Variants in SCAI observed in about 807,000 individuals in gnomAD.
The protein encoded by SCAI is protein SCAI.
In SCAI, 24 loss-of-function variants were observed where a neutral mutation model predicts 92.2. The observed-to-expected ratio is 0.26, with a 90% CI of 0.19 to 0.37. The LOEUF (loss-of-function observed/expected upper bound fraction) is 0.37. Ranked by LOEUF, SCAI falls within the 10% of genes least tolerant of loss-of-function variation. The probability of loss-of-function intolerance (pLI) is 1.00; values close to 1 mark genes in which losing one functional copy is unlikely to be tolerated. For missense variants in SCAI, 450 were observed against 736.2 expected (o/e 0.61, Z 4.50); for synonymous variants, 261 against 258.6 (o/e 1.01, Z -0.09).
chr9:124,956,727 T>TA (rs1831320484), intron 17 of SCAI, among the ~76,000 whole-genome samples: 1 of 152,204 alleles, frequency 6.6e-6, no homozygotes, highest in Non-Finnish European at 1.5e-5. Context: ...GGTTAAAGAC[T>TA]AACATCTTTC....
chr9:124,968,462 C>G (rs1399279605), intron 17 of SCAI: 1 of 981,652 alleles, frequency 1.0e-6, no homozygotes, highest in Non-Finnish European at 1.7e-6. Context: ...GAGAAGATAA[C>G]CAGATTTGCT....
At chr9:125,068,998 T>C (rs570686047) in intron 2 of SCAI, among the ~76,000 whole-genome samples, 1 of 152,108 alleles carries the variant, frequency 6.6e-6, no homozygotes, top group African/African-American at 2.4e-5. Context: ...GTTGGAAAAC[T>C]TGTGGTCAGG....
chr9:125,019,161 A>C lies in SCAI; in HGVS notation c.654T>G (p.Thr218=). 1 of 1,603,780 alleles carries C rather than the reference A, an allele frequency of 6.2e-7. No individual in the cohort carries two copies. Among genetic ancestry groups the C allele is most frequent in the Non-Finnish European group, 8.5e-7 (1 of 1,175,742 alleles). The change falls in exon 8 of 18, where the codon ACT becomes ACG. Residue 218 remains threonine (T), a synonymous_variant. Transcript: ENST00000336505. ...EIEDYTHRFN[T]EDQVEWNLVL... is the part of the protein sequence containing the mutation. ...CCAAGTTCCATTCCACTTGATCTTCAGTATTAAATCGGTGAGTATAATCTT... is the reference window on the plus strand; with the variant it reads ...CCAAGTTCCATTCCACTTGATCTTCCGTATTAAATCGGTGAGTATAATCTT...
chr9:125,113,376 G>A lies in SCAI; in HGVS notation c.98+29257C>T, dbSNP rs186072559. ...ACATTCTACAAAATATTTGACCAAT[G>A]CCCCTCAAAATTTTCAAAGTCATCA... On this transcript the variant is annotated intron_variant, in intron 2 of 17. Transcript: ENST00000336505. Among the ~76,000 whole-genome samples, 5 of 152,186 alleles carry A rather than the reference G, an allele frequency of 3.3e-5. No homozygotes were observed. In the East Asian group the frequency reaches 9.7e-4, roughly 29 times the overall value.
intron 9 of SCAI, among the ~76,000 whole-genome samples, chr9:125,009,855 T>C (rs1316636643): frequency 6.6e-6 from 1 of 151,946 alleles, no homozygotes; most frequent in Non-Finnish European, 1.5e-5. Context: ...ATCACACCAC[T>C]GTACTCCAGC....
At chr9:125,063,480 C>T (rs1474562773) in intron 2 of SCAI, among the ~76,000 whole-genome samples, 3 of 150,374 alleles carry the variant, frequency 2.0e-5, no homozygotes, top group Non-Finnish European at 4.4e-5. Context: ...TCAGTAGCTA[C>T]AATATATTTT....
intron 2 of SCAI, among the ~76,000 whole-genome samples, chr9:125,073,978 G>A (rs1055537148): frequency 4.0e-5 from 6 of 150,222 alleles, no homozygotes; most frequent in African/African-American, 7.4e-5. Flanking sequence ...GTTGCCAGGC[G>A]CGGTGGCTCA....
intron 6 of SCAI, 60 bp downstream of exon 6, chr9:125,026,752 T>C: frequency 1.1e-6 from 1 of 872,024 alleles, no homozygotes. Flanking sequence ...ACACAATTTC[T>C]ACGAAGATTA....
At chr9:125,042,837 G>A (rs892861190) in intron 3 of SCAI, among the ~76,000 whole-genome samples, 2 of 145,792 alleles carry the variant, frequency 1.4e-5, no homozygotes, top group Admixed American at 6.9e-5. Flanking sequence ...TTCTTTTCTG[G>A]GACCACATTC....
chr9:125,036,149 T>TA (rs1325345464), intron 3 of SCAI, among the ~76,000 whole-genome samples: 1 of 151,810 alleles, frequency 6.6e-6, no homozygotes, highest in African/African-American at 2.4e-5. Context: ...GCCCCTGTCT[T>TA]AAAAATAAAT....
intron 2 of SCAI, among the ~76,000 whole-genome samples, chr9:125,068,023 AAAT>A (rs1186312561): frequency 6.6e-6 from 1 of 152,228 alleles, no homozygotes; most frequent in Non-Finnish European, 1.5e-5. Context: ...TCTTGAGAGA[AAAT>A]AATGTTAAGT....
chr9:125,019,443 T>C (rs1399728395), intron 7 of SCAI, among the ~76,000 whole-genome samples: 2 of 152,094 alleles, frequency 1.3e-5, no homozygotes, highest in Non-Finnish European at 2.9e-5. Context: ...CTATCAGTAC[T>C]ACATGAGCAA....
chr9:124,968,683 C>G, intron 17 of SCAI: 1 of 1,348,958 alleles, frequency 7.4e-7, no homozygotes, highest in Non-Finnish European at 1.1e-6. Flanking sequence ...CCCAAAGTTC[C>G]CGATTTCCTC....
chr9:125,024,642 C>T (rs1427700001), intron 6 of SCAI, among the ~76,000 whole-genome samples: 1 of 152,122 alleles, frequency 6.6e-6, no homozygotes, highest in Non-Finnish European at 1.5e-5. Flanking sequence ...TGCTAGGCTC[C>T]CTACTTACAA....
intron 3 of SCAI, 110 bp downstream of exon 3, chr9:125,055,765 GA>G: frequency 1.3e-6 from 1 of 798,534 alleles, no homozygotes; most frequent in Non-Finnish European, 1.9e-6. Flanking sequence ...CTCTAATACA[GA>G]AATTTATATG....
chr9:125,000,517 G>A (rs1351264927), intron 12 of SCAI, among the ~76,000 whole-genome samples: 1 of 151,828 alleles, frequency 6.6e-6, no homozygotes, highest in African/African-American at 2.4e-5. Context: ...CGAGCATGGT[G>A]GTAGGTGCCT....
At chr9:125,048,227 C>T (rs577868011) in intron 3 of SCAI, among the ~76,000 whole-genome samples, 23 of 152,304 alleles carry the variant, frequency 1.5e-4, no homozygotes, top group African/African-American at 5.3e-4. Context: ...ATCCACACAC[C>T]TCAGCCTCCC....
chr9:124,979,863 C>T (rs963553521), intron 14 of SCAI, among the ~76,000 whole-genome samples: 5 of 152,052 alleles, frequency 3.3e-5, no homozygotes, highest in Non-Finnish European at 5.9e-5. Context: ...TCCTGGCTAA[C>T]ACGGTGAAAC....
chr9:125,052,097 T>C (rs1175837734), intron 3 of SCAI, among the ~76,000 whole-genome samples: 1 of 152,024 alleles, frequency 6.6e-6, no homozygotes, highest in Non-Finnish European at 1.5e-5. Context: ...CAGACCTAAA[T>C]GTAAGAGCTA....
Sources: gnomAD v4.1 joint callset for allele counts (sites outside exome capture counted in the v4.1 genomes callset) on GRCh38, gnomAD v4.1.1 for gene constraint, MANE v1.5 for transcripts, NCBI Gene and HGNC (gene_info 2026-07-23, HGNC 2026-07-21) for gene names.